The following CERS5 variants were observed in gnomAD, a reference collection of about 807,000 sequenced individuals.
CERS5 encodes LAG1 homolog, ceramide synthase 5.
In CERS5, 37 loss-of-function variants were observed where a neutral mutation model predicts 58.9. The ratio of observed to expected loss-of-function variants is 0.63; its 90% CI spans 0.48 to 0.83. The LOEUF (loss-of-function observed/expected upper bound fraction) is 0.83. CERS5 is among the 40% of genes least tolerant of loss of function. The pLI is 0.00. For missense variants in CERS5, 398 were observed against 489.3 expected, an observed-to-expected ratio of 0.81 and a Z score of 1.76; for synonymous variants, 147 against 177.8, an observed-to-expected ratio of 0.83 and a Z score of 1.38.
rs368105546 is a variant in CERS5 at position 50,143,041 on chromosome 12, C to T, written c.434+33G>A. ...CAGTCCAGTTGTATCCCACCGTCTT[C>T]CTTATTCCCTCCCTCCCTCCTTGCG... On this transcript the variant is annotated intron_variant, in intron 3 of 9. Coordinates refer to ENST00000317551, the MANE Select transcript of CERS5 (RefSeq NM_147190.5). 8.1e-5 allele frequency: 127 copies of T among 1,573,276 alleles called. No homozygotes were observed. In the African/African-American group the frequency reaches 1.6e-3, roughly 20 times the overall value.
intron 1 of CERS5, among the ~76,000 whole-genome samples, chr12:50,149,639 T>C (rs10783336): frequency 0.34 from 51,789 of 152,080 alleles, 9,722 homozygotes; most frequent in East Asian, 0.76. Flanking sequence ...AGATATTGAT[T>C]TTAGCTCTCA....
intron 1 of CERS5, chr12:50,148,445 A>C: frequency 4.6e-6 from 1 of 218,284 alleles, no homozygotes; most frequent in East Asian, 1.7e-4. Flanking sequence ...AAAAATACAA[A>C]AATTAGCCAG....
In CERS5 at chr12:50,166,754, C is replaced by T. The variant is rs573928949; in HGVS notation, c.197+347G>A. On this transcript the variant is annotated intron_variant, in intron 1 of 9. Coordinates refer to ENST00000317551, the MANE Select transcript of CERS5 (RefSeq NM_147190.5). Reference sequence around the variant, plus strand: ...CCTGGCCCCTTCCTATCCCTCTCTTCGGGGCCTCTGCCAGAGCTCACACTG... The same window carrying T: ...CCTGGCCCCTTCCTATCCCTCTCTTTGGGGCCTCTGCCAGAGCTCACACTG... 2.0e-4 allele frequency among the ~76,000 whole-genome samples: 31 copies of T among 152,294 alleles called. No individual in the cohort carries two copies. In the South Asian group the frequency reaches 5.4e-3, roughly 26 times the overall value.
At chr12:50,166,129 C>T (rs1273431609) in intron 1 of CERS5, 1 of 264,906 alleles carries the variant, frequency 3.8e-6, no homozygotes, top group Admixed American at 5.4e-5. Flanking sequence ...TACAGACCAG[C>T]CTGGCCAACA....
chr12:50,149,634 T>C (rs957206500), intron 1 of CERS5, among the ~76,000 whole-genome samples: 1 of 152,220 alleles, frequency 6.6e-6, no homozygotes, highest in Non-Finnish European at 1.5e-5. Flanking sequence ...TGCTGAGATA[T>C]TGATTTTAGC....
At chr12:50,140,870 T>A (rs1307642290) in intron 4 of CERS5, among the ~76,000 whole-genome samples, 1 of 147,290 alleles carries the variant, frequency 6.8e-6, no homozygotes, top group African/African-American at 2.5e-5. Flanking sequence ...AGGGTTTAGG[T>A]CAATTACTGA....
intron 3 of CERS5, 141 bp downstream of exon 3, chr12:50,142,933 C>T (rs1397057031): frequency 3.4e-6 from 3 of 891,686 alleles, no homozygotes; most frequent in Non-Finnish European, 1.6e-6. Context: ...TCCCTTCTTT[C>T]CTACCTATAA....
At position 50,143,951 on chromosome 12, in the gene CERS5, C is replaced by T. The variant is rs992496836; in HGVS notation, c.303+1G>A. The T allele has an allele frequency of 1.3e-6, 2 of 1,578,050 alleles. No homozygotes were observed. The highest frequency in any genetic ancestry group is 2.2e-5 in the South Asian group (2 of 90,242). On this transcript the variant is annotated splice_donor_variant, in intron 2 of 9. Coordinates refer to ENST00000317551, the MANE Select transcript of CERS5 (RefSeq NM_147190.5). LOFTEE classifies it high-confidence loss of function. ...TCCTCTCTGTTTCTTTGCCCACTTA[C>T]CTTGGTAATAGATATGAACACCTTT...
At chr12:50,153,481 T>C (rs190264761) in intron 1 of CERS5, among the ~76,000 whole-genome samples, 8 of 150,518 alleles carry the variant, frequency 5.3e-5, no homozygotes, top group African/African-American at 1.7e-4. Context: ...GGTTTCACCA[T>C]GTTGGCCAGG....
intron 1 of CERS5, chr12:50,165,060 T>C (rs1308583879): frequency 2.6e-5 from 4 of 152,038 alleles, no homozygotes; most frequent in Non-Finnish European, 4.4e-5. Flanking sequence ...TCTAGTTTAT[T>C]CCAAAGACAG....
chr12:50,137,837 A>C lies in CERS5; in HGVS notation c.544-17T>G. 6.5e-7 allele frequency: 1 copy of C among 1,533,988 alleles called. No homozygotes were observed. Among genetic ancestry groups the C allele is most frequent in the Non-Finnish European group, 9.0e-7 (1 of 1,109,070 alleles). Reference sequence around the variant, plus strand: ...TGAAAGAGGCTGGAAGAGAGAAAGAAGTAGTTAGATTACCGGCTAGTCAAA... The same window carrying C: ...TGAAAGAGGCTGGAAGAGAGAAAGACGTAGTTAGATTACCGGCTAGTCAAA... On this transcript the variant is annotated splice_polypyrimidine_tract_variant and intron_variant, in intron 5 of 9. Coordinates refer to ENST00000317551, the MANE Select transcript of CERS5 (RefSeq NM_147190.5).
At chr12:50,131,558 C>CAAAAAAAAA (rs752634104) in intron 9 of CERS5, among the ~76,000 whole-genome samples, 10 of 69,842 alleles carry the variant, frequency 1.4e-4, no homozygotes, top group Non-Finnish European at 2.2e-4. Context: ...GACTCCATCT[C>CAAAAAAAAA]AAAAAAAAAA....
rs1170717549 is a variant in CERS5, at chr12:50,129,375, C to A, written c.*1170G>T. The A allele has an allele frequency of 6.6e-6, 1 of 152,112 alleles. No individual in the cohort carries two copies. The highest frequency in any genetic ancestry group is 1.5e-5 in the Non-Finnish European group (1 of 68,006). 9.4% of individuals were successfully genotyped at this position (152,112 alleles called of 1,614,324 possible). A position where few individuals can be genotyped will look rare whatever the true frequency, so the allele number is the denominator to read the frequency against. On this transcript the variant is annotated 3_prime_UTR_variant, in exon 10 of 10. Coordinates refer to ENST00000317551, the MANE Select transcript of CERS5 (RefSeq NM_147190.5). ...ACCAATCCAGTTTGTATTAACAAGG[C>A]AATTGTTCAAATTTCAGAAGGCAAA...
Position 50,167,334 on chromosome 12 carries a change from T to A in CERS5, c.-37A>T. Reference sequence around the variant, plus strand: ...CCCGAAGCCACCGCCGCCACAAGCGTCAGCTGCCGCCACAGCCAACGGAAC... The same window carrying A: ...CCCGAAGCCACCGCCGCCACAAGCGACAGCTGCCGCCACAGCCAACGGAAC... On this transcript the variant is annotated 5_prime_UTR_variant, in exon 1 of 10. Coordinates refer to ENST00000317551, the MANE Select transcript of CERS5 (RefSeq NM_147190.5). 3.4e-6 allele frequency: 5 copies of A among 1,464,098 alleles called. No homozygotes were observed. The highest frequency in any genetic ancestry group is 4.5e-6 in the Non-Finnish European group (5 of 1,117,100). The allele number at this position is 1,464,098 out of a possible 1,614,324, so 90.7% of individuals were successfully genotyped here.
At position 50,134,591 on chromosome 12, in the gene CERS5, G is replaced by C. The variant is rs1951528186; in HGVS notation, c.984C>G (p.Ser328=). The change falls in exon 9 of 10, where the codon TCC becomes TCG. Residue 328 remains serine (S), a synonymous_variant. Transcript: ENST00000317551. ...LTLQLLHVIW[S]YLIARIALKA... ...TCAAAGCAATCCGTGCAATTAGGTA[G>C]GACCAGATGACATGCAGAAGCTGTA... The C allele has an allele frequency of 6.2e-7, 1 of 1,614,038 alleles. No individual in the cohort carries two copies. The highest frequency in any genetic ancestry group is 1.3e-5 in the African/African-American group (1 of 74,914).
Position 50,133,117 on chromosome 12 carries a change from A to G in CERS5, c.1029+1429T>C. On this transcript the variant is annotated intron_variant, in intron 9 of 9. Coordinates refer to ENST00000317551, the MANE Select transcript of CERS5 (RefSeq NM_147190.5). Reference sequence around the variant, plus strand: ...ACAGAGATGTCCAGTAGCTACAGCAAGATGCACAGGCACACTGAGCAAGTT... The same window carrying G: ...ACAGAGATGTCCAGTAGCTACAGCAGGATGCACAGGCACACTGAGCAAGTT... The G allele has an allele frequency of 6.3e-6, 8 of 1,278,708 alleles. 1 individual carries two copies. In the South Asian group the frequency reaches 1.0e-4, roughly 16 times the overall value. 79.2% of individuals were successfully genotyped at this position (1,278,708 alleles called of 1,614,324 possible). A position where few individuals can be genotyped will look rare whatever the true frequency, so the allele number is the denominator to read the frequency against.
At chr12:50,156,437 T>TATATATATATATATATATATATA (rs1197474516) in intron 1 of CERS5, among the ~76,000 whole-genome samples, 1 of 108,854 alleles carries the variant, frequency 9.2e-6, no homozygotes, top group African/African-American at 3.2e-5. Flanking sequence ...TATATATATA[T>TATATATATATATATATATATATA]AAAACAATTA....
At chr12:50,166,998 C>T (rs1939974490) in intron 1 of CERS5, 103 bp downstream of exon 1, 1 of 985,998 alleles carries the variant, frequency 1.0e-6, no homozygotes, top group South Asian at 1.7e-5. Flanking sequence ...GCCCCTGCTT[C>T]CGGGCTTTCC....
At chr12:50,167,011 G>T in intron 1 of CERS5, 90 bp downstream of exon 1, 4 of 1,076,656 alleles carry the variant, frequency 3.7e-6, no homozygotes, top group Non-Finnish European at 5.1e-6. Flanking sequence ...GGCTTTCCTT[G>T]CAGTTCTGCT....
Sources: allele counts gnomAD v4.1 joint callset (sites outside exome capture counted in the v4.1 genomes callset), GRCh38; gene constraint gnomAD v4.1.1; transcripts MANE v1.5; gene names NCBI Gene and HGNC (gene_info 2026-07-23, HGNC 2026-07-21).